Variants in CEP104 observed in about 807,000 individuals in gnomAD.
The protein encoded by CEP104 is centrosomal protein 104, also known as centrosomal protein of 104 kDa.
In CEP104, 84 loss-of-function variants were observed where a neutral mutation model predicts 113.3. That is an observed-to-expected ratio of 0.74 (90% confidence interval 0.62 to 0.89). The LOEUF (loss-of-function observed/expected upper bound fraction) is 0.89, where lower values mean the gene tolerates loss of function less well. Ranked by LOEUF, CEP104 falls within the 40% of genes least tolerant of loss-of-function variation. The pLI is 0.00. For synonymous variants in CEP104, 378 were observed against 421.7 expected (o/e 0.90, Z 1.27); for missense variants, 1,053 against 1,156.6 (o/e 0.91, Z 1.30).
Position 3,819,140 on chromosome 1 carries a change from A to T in CEP104, c.2572-2770T>A, listed in dbSNP as rs1643924014. On this transcript the variant is annotated intron_variant, in intron 20 of 21. Transcript: ENST00000378230. The surrounding 1 kb of genome is among the most constrained non-coding windows in gnomAD (Gnocchi z 4.6). ...AAGCAGATACCTAGTATGTTCAAGG[A>T]CTTGAACGTGCAATGAAGTGCTACT... 6.6e-6 allele frequency among the ~76,000 whole-genome samples: 1 copy of T among 152,226 alleles called. No individual in the cohort carries two copies. The highest frequency in any genetic ancestry group is 2.4e-5 in the African/African-American group (1 of 41,452).
rs1480206317 is a variant in CEP104, at chr1:3,829,220, C to T, written c.2151+46G>A. 4 of 1,284,316 alleles carry T rather than the reference C, an allele frequency of 3.1e-6. No homozygotes were observed. The Middle Eastern group carries it at 5.8e-4, about 185-fold the overall frequency. 79.6% of individuals were successfully genotyped at this position (1,284,316 alleles called of 1,614,324 possible). On this transcript the variant is annotated intron_variant, in intron 15 of 21. Coordinates refer to ENST00000378230, the MANE Select transcript of CEP104 (RefSeq NM_014704.4). The stretch of plus-strand genomic sequence containing the variant: ...TGATGTGGATCTATACAGCAAAATA[C>T]ATTTCAGCTAAAAGCACACAGGTGA...
chr1:3,832,525 T>A (rs937760136), intron 12 of CEP104, among the ~76,000 whole-genome samples: 15 of 93,610 alleles, frequency 1.6e-4, no homozygotes, highest in African/African-American at 4.5e-4. Flanking sequence ...TGACCAGGAG[T>A]GTAGTGTAGG....
intron 18 of CEP104, among the ~76,000 whole-genome samples, chr1:3,825,335 G>A (rs1306344939): frequency 1.3e-5 from 2 of 152,230 alleles, no homozygotes; most frequent in Non-Finnish European, 2.9e-5. Flanking sequence ...TGGCAACATT[G>A]TTTATCATGG....
In CEP104 at chr1:3,816,389, A is replaced by T. The variant is rs1643881080; in HGVS notation, c.2572-19T>A. On this transcript the variant is annotated intron_variant, in intron 20 of 21. Transcript: ENST00000378230. ...TCCATGCCTGCAGCAGAGGAGGCAC[A>T]CAGAGTGTTAATCAGGCGAGACGGA... 1 of 1,543,634 alleles carries T rather than the reference A, an allele frequency of 6.5e-7. No individual in the cohort carries two copies. Among genetic ancestry groups the T allele is most frequent in the Non-Finnish European group, 8.8e-7 (1 of 1,142,210 alleles).
intron 20 of CEP104, among the ~76,000 whole-genome samples, chr1:3,821,768 A>G (rs4648414): frequency 0.67 from 102,232 of 152,212 alleles, 35,895 homozygotes; most frequent in African/African-American, 0.89. Flanking sequence ...CCCCCAAGGG[A>G]ACGTAGTCAG....
chr1:3,826,652 C>T (rs1345071104), intron 16 of CEP104, 56 bp downstream of exon 16: 1 of 1,593,896 alleles, frequency 6.3e-7, no homozygotes, highest in Non-Finnish European at 8.6e-7. Context: ...CATGCATTTA[C>T]ACACCCCGAT....
intron 9 of CEP104, 22 bp from the exon 10 acceptor site, chr1:3,836,714 G>C (rs762978897): frequency 1.9e-5 from 30 of 1,610,604 alleles, no homozygotes; most frequent in Non-Finnish European, 2.5e-5. Context: ...GAAGGAGAGA[G>C]GAAAGTGCTG....
At chr1:3,835,756 G>C (rs1203251797) in intron 10 of CEP104, among the ~76,000 whole-genome samples, 1 of 152,190 alleles carries the variant, frequency 6.6e-6, no homozygotes, top group Non-Finnish European at 1.5e-5. Context: ...TCAGAAGGGA[G>C]CAGTTGTTTA....
At chr1:3,845,480 C>G (rs776430939) in intron 4 of CEP104, 129 bp from the exon 5 acceptor site, 1 of 691,534 alleles carries the variant, frequency 1.4e-6, no homozygotes, top group African/African-American at 1.8e-5. Context: ...GATCATGGCT[C>G]ACTGCAGCCT....
intron 6 of CEP104, among the ~76,000 whole-genome samples, chr1:3,843,954 A>G (rs10752723): frequency 0.92 from 139,825 of 152,068 alleles, 65,006 homozygotes; most frequent in Middle Eastern, 0.98. Context: ...TAGAGACAGG[A>G]TTTCACCATG....
rs754145994 is a variant in CEP104, at chr1:3,815,496, G to T, written c.2684C>A (p.Ala895Glu). 9.3e-6 allele frequency: 15 copies of T among 1,607,448 alleles called. No individual in the cohort carries two copies. Among genetic ancestry groups the T allele is most frequent in the South Asian group, 2.2e-5 (2 of 90,164 alleles). ...LQPGKSSAVA[A>E]SGPLGSKAGS... ...GGCCTTTGACCCCAAGGGGCCTGATGCGGCCACAGCTGAGCTTTTCCCTGC... is the reference window on the plus strand; with the variant it reads ...GGCCTTTGACCCCAAGGGGCCTGATTCGGCCACAGCTGAGCTTTTCCCTGC... The change falls in exon 22 of 22, where the codon GCA (alanine) becomes GAA (glutamate). Residue 895 changes from alanine to glutamate, a missense_variant. Physicochemically the swap from Ala to Glu is moderately radical, Grantham distance 107 (BLOSUM62 -1). Transcript: ENST00000378230.
intron 20 of CEP104, among the ~76,000 whole-genome samples, chr1:3,818,066 G>A (rs1052121529): frequency 5.9e-5 from 9 of 152,220 alleles, no homozygotes; most frequent in Admixed American, 4.6e-4. Flanking sequence ...AGAGCCAGGC[G>A]GCTGCGATCA....
At chr1:3,826,575 G>GT in intron 16 of CEP104, 133 bp downstream of exon 16, 1 of 1,279,512 alleles carries the variant, frequency 7.8e-7, no homozygotes, top group Non-Finnish European at 1.1e-6. Context: ...AGATGGCTGA[G>GT]GTGCAGCAGG....
rs1317580504 is a variant in CEP104 at position 3,819,320 on chromosome 1, T to TG, written c.2572-2951dup. ...GGTCGCCAGGGGCTGGAGAGGGGGC[T>TG]GGGGAGAAAAGGGGCGGCATGTAGG... On this transcript the variant is annotated intron_variant, in intron 20 of 21. Transcript: ENST00000378230. The surrounding 1 kb of genome is among the most constrained non-coding windows in gnomAD (Gnocchi z 4.6). Among the ~76,000 whole-genome samples the TG allele has an allele frequency of 1.3e-5, 2 of 151,860 alleles. No individual in the cohort carries two copies. Among genetic ancestry groups the TG allele is most frequent in the East Asian group, 3.9e-4 (2 of 5,186 alleles).
chr1:3,827,335 C>T (rs1644111429), intron 15 of CEP104, among the ~76,000 whole-genome samples: 1 of 152,046 alleles, frequency 6.6e-6, no homozygotes, highest in Non-Finnish European at 1.5e-5. Context: ...CTGCCCCAGC[C>T]TCCTGAGTAG....
intron 6 of CEP104, among the ~76,000 whole-genome samples, chr1:3,843,520 T>G (rs1044045881): frequency 1.4e-5 from 2 of 146,126 alleles, no homozygotes; most frequent in Non-Finnish European, 3.0e-5. Flanking sequence ...CCCAGCTAAT[T>G]TTTGTATTTT....
intron 9 of CEP104, 186 bp from the exon 10 acceptor site, chr1:3,836,878 A>G: frequency 5.0e-6 from 3 of 596,360 alleles, no homozygotes; most frequent in Non-Finnish European, 8.7e-6. Flanking sequence ...AAAAGATTAG[A>G]TGAGGCTTTC....
intron 4 of CEP104, among the ~76,000 whole-genome samples, chr1:3,846,516 A>G (rs555201477): frequency 2.0e-5 from 3 of 152,358 alleles, no homozygotes; most frequent in South Asian, 2.1e-4. Context: ...TTATCTGAAC[A>G]TAAGGACAAT....
chr1:3,825,806 GT>G lies in CEP104; in HGVS notation c.2315del (p.His772ProfsTer9). The G allele has an allele frequency of 6.2e-7, 1 of 1,614,070 alleles. No homozygotes were observed. The highest frequency in any genetic ancestry group is 8.5e-7 in the Non-Finnish European group (1 of 1,179,884). Reference protein sequence around the residue: ...ESFTEEGLDLHYWKHCLMLTR... With the variant: ...ESFTEEGLDLXYWKHCLMLTR... ...TCAGCATGAGACAGTGCTTCCAGTA[GT>G]GGAGATCCAGACCTTCCTCTGTGAA... On this transcript the variant is annotated frameshift_variant, in exon 18 of 22. Transcript: ENST00000378230. LOFTEE classifies it high-confidence loss of function.
Sources: allele counts gnomAD v4.1 joint callset (sites outside exome capture counted in the v4.1 genomes callset), GRCh38; gene constraint gnomAD v4.1.1; non-coding constraint Gnocchi (gnomAD v3.1); transcripts MANE v1.5; gene names NCBI Gene and HGNC (gene_info 2026-07-23, HGNC 2026-07-21).